FER1L6: variants seen among roughly 807,000 people sequenced by gnomAD.
The protein encoded by FER1L6 is fer-1 like family member 6.
FER1L6 carries 177 observed loss-of-function variants against 219.2 expected under a neutral mutation model. The observed-to-expected ratio is 0.81, with a 90% CI of 0.71 to 0.91. The LOEUF is 0.91. Ranked by LOEUF, FER1L6 falls within the 40% of genes least tolerant of loss-of-function variation. The probability of loss-of-function intolerance (pLI) is 0.00; values close to 1 mark genes in which losing one functional copy is unlikely to be tolerated. For synonymous variants in FER1L6, 768 were observed against 824.3 expected (o/e 0.93, Z 1.17); for missense variants, 2,153 against 2,259.9 (o/e 0.95, Z 0.96).
At chr8:124,052,370 T>G (rs1298298565) in intron 22 of FER1L6, among the ~76,000 whole-genome samples, 2 of 152,212 alleles carry the variant, frequency 1.3e-5, no homozygotes, top group Admixed American at 6.5e-5. Context: ...TAATAAGAGA[T>G]AGCACAGGTT....
intron 1 of FER1L6, among the ~76,000 whole-genome samples, chr8:123,879,516 G>A (rs1194166489): frequency 6.6e-6 from 1 of 151,892 alleles, no homozygotes; most frequent in Non-Finnish European, 1.5e-5. Context: ...TAGTCGAGAC[G>A]GGGTTTCACC....
intron 1 of FER1L6, among the ~76,000 whole-genome samples, chr8:123,921,788 G>A (rs1813371096): frequency 6.6e-6 from 1 of 152,158 alleles, no homozygotes; most frequent in African/African-American, 2.4e-5. Context: ...CGGCTGTGGG[G>A]AGGTTGGATC....
At chr8:123,954,115 T>C (rs1166692450) in intron 1 of FER1L6, among the ~76,000 whole-genome samples, 1 of 152,204 alleles carries the variant, frequency 6.6e-6, no homozygotes, top group Non-Finnish European at 1.5e-5. Context: ...AGAGTAGTTC[T>C]TTCCATTATA....
At chr8:124,106,964 T>G (rs1586350332) in intron 39 of FER1L6, among the ~76,000 whole-genome samples, 1 of 102,148 alleles carries the variant, frequency 9.8e-6, no homozygotes, top group Non-Finnish European at 2.1e-5. Context: ...TTTTTTTTTT[T>G]TTGAGACAGA....
intron 1 of FER1L6, among the ~76,000 whole-genome samples, chr8:123,885,257 C>A (rs1817180431): frequency 6.6e-6 from 1 of 152,186 alleles, no homozygotes; most frequent in Admixed American, 6.5e-5. Context: ...CTTGCTATGG[C>A]AGTGTGGATT....
chr8:124,017,771 G>A (rs987155935), intron 16 of FER1L6, 53 bp downstream of exon 16: 15 of 1,460,502 alleles, frequency 1.0e-5, no homozygotes, highest in East Asian at 4.5e-5. Flanking sequence ...TAAACCTCAC[G>A]GATGAGGCAT....
At position 123,904,551 on chromosome 8, in the gene FER1L6, T is replaced by G. The variant is rs143712400; in HGVS notation, c.-7-51441T>G. ...AAAACATAGAGTAAAAGCAACTACTTCCTAAAACTAGCTTAGTTATTTGGG... is the reference window on the plus strand; with the variant it reads ...AAAACATAGAGTAAAAGCAACTACTGCCTAAAACTAGCTTAGTTATTTGGG... On this transcript the variant is annotated intron_variant, in intron 1 of 40. Transcript: ENST00000522917. Among the ~76,000 whole-genome samples, 157 of 152,184 alleles carry G rather than the reference T, an allele frequency of 1.0e-3. 3 individuals carry two copies. In the East Asian group the frequency reaches 0.028, roughly 27 times the overall value.
At chr8:124,106,826 T>C (rs185833206) in intron 39 of FER1L6, among the ~76,000 whole-genome samples, 139 of 152,288 alleles carry the variant, frequency 9.1e-4, no homozygotes, top group African/African-American at 3.1e-3. Context: ...TTCTGTTCCC[T>C]TTCCTAATTT....
intron 21 of FER1L6, 141 bp downstream of exon 21, chr8:124,046,042 T>G: frequency 1.1e-6 from 1 of 922,124 alleles, no homozygotes; most frequent in South Asian, 2.1e-5. Flanking sequence ...AAACTTGACC[T>G]CTGAAAACAG....
intron 20 of FER1L6, among the ~76,000 whole-genome samples, chr8:124,043,989 A>G (rs1819615895): frequency 6.6e-6 from 1 of 152,250 alleles, no homozygotes; most frequent in Non-Finnish European, 1.5e-5. Context: ...AGCACATTGT[A>G]GGTCCTGAAT....
chr8:123,892,884 T>C (rs182478172), intron 1 of FER1L6, among the ~76,000 whole-genome samples: 4 of 152,290 alleles, frequency 2.6e-5, no homozygotes, highest in Admixed American at 2.6e-4. Context: ...AAGCTTATTG[T>C]TATGGTTAGA....
rs1823037687 is a variant in FER1L6, at chr8:124,111,947, A to C, written c.5290-6897A>C. Among the ~76,000 whole-genome samples, 2 of 152,130 alleles carry C rather than the reference A, an allele frequency of 1.3e-5. No homozygotes were observed. The highest frequency in any genetic ancestry group is 2.9e-5 in the Non-Finnish European group (2 of 68,026). On this transcript the variant is annotated intron_variant, in intron 39 of 40. Transcript: ENST00000522917. The surrounding 1 kb of genome is among the most constrained non-coding windows in gnomAD (Gnocchi z 5.0). ...TTCAAGATGGAGTTGCTCTGGTTCA[A>C]ATGCCTCTGACACTCTTTCCCCCTT...
intron 1 of FER1L6, among the ~76,000 whole-genome samples, chr8:123,874,335 G>A (rs753289352): frequency 1.3e-4 from 20 of 152,238 alleles, no homozygotes; most frequent in Middle Eastern, 3.4e-3. Context: ...TACTAGCTGC[G>A]TCACGTTACC....
rs1488801313 is a variant in FER1L6, at chr8:124,071,504, A to C, written c.3967-2A>C. ...TCAATGGGTTGCGTTTTGTGGTTCC[A>C]GGGCTCCTTCTGCATCTACAAAAGC... On this transcript the variant is annotated splice_acceptor_variant, in intron 30 of 40. Coordinates refer to ENST00000522917, the MANE Select transcript of FER1L6 (RefSeq NM_001039112.2). LOFTEE classifies it high-confidence loss of function. 6.2e-7 allele frequency: 1 copy of C among 1,614,000 alleles called. No homozygotes were observed.
intron 1 of FER1L6, among the ~76,000 whole-genome samples, chr8:123,953,104 G>A (rs1814843926): frequency 6.6e-6 from 1 of 152,150 alleles, no homozygotes; most frequent in Non-Finnish European, 1.5e-5. Context: ...CTGGGCTGGT[G>A]AGCCATGCCT....
At chr8:123,964,825 T>C (rs1448387628) in intron 3 of FER1L6, among the ~76,000 whole-genome samples, 4 of 152,198 alleles carry the variant, frequency 2.6e-5, no homozygotes, top group African/African-American at 9.7e-5. Context: ...CTCAAGACTT[T>C]TTTTCTCAAC....
At chr8:124,095,186 T>C (rs1157912529) in intron 35 of FER1L6, 148 bp downstream of exon 35, 2 of 1,055,502 alleles carry the variant, frequency 1.9e-6, no homozygotes, top group South Asian at 3.3e-5. Context: ...GTGGGGTTGC[T>C]ACTGGCATAT....
At chr8:124,112,591 A>G (rs1397997982) in intron 39 of FER1L6, among the ~76,000 whole-genome samples, 1 of 152,116 alleles carries the variant, frequency 6.6e-6, no homozygotes, top group African/African-American at 2.4e-5. Context: ...TAATCCCACA[A>G]ATGGACAGGC....
chr8:124,101,051 G>C, intron 37 of FER1L6, 46 bp from the exon 38 acceptor site: 1 of 1,583,616 alleles, frequency 6.3e-7, no homozygotes, highest in East Asian at 2.2e-5. Context: ...ACTGATGCCT[G>C]GAGAATGTAC....
Sources: allele counts gnomAD v4.1 joint callset (sites outside exome capture counted in the v4.1 genomes callset), GRCh38; gene constraint gnomAD v4.1.1; non-coding constraint Gnocchi (gnomAD v3.1); transcripts MANE v1.5; gene names NCBI Gene and HGNC (gene_info 2026-07-23, HGNC 2026-07-21).